SMAD9: variants seen among roughly 807,000 people sequenced by gnomAD.
The protein encoded by SMAD9 is MAD homolog 9.
A neutral mutation model predicts 46.1 loss-of-function variants in SMAD9; 36 were observed. The observed-to-expected ratio is 0.78, with a 90% CI of 0.60 to 1.03. The LOEUF is 1.03. SMAD9 is among the 50% of genes least tolerant of loss of function. The pLI is 0.00. For missense variants in SMAD9, 572 were observed against 599.8 expected (o/e 0.95, Z 0.48); for synonymous variants, 245 against 237.1 (o/e 1.03, Z -0.31).
At chr13:36,897,678 T>C (rs1042757945) in intron 1 of SMAD9, among the ~76,000 whole-genome samples, 8 of 151,646 alleles carry the variant, frequency 5.3e-5, no homozygotes, top group Non-Finnish European at 1.2e-4. Flanking sequence ...AAAATTCCTA[T>C]TTTTTTTGAA....
At chr13:36,895,074 G>C (rs2058517597) in intron 1 of SMAD9, among the ~76,000 whole-genome samples, 1 of 152,112 alleles carries the variant, frequency 6.6e-6, no homozygotes, top group Non-Finnish European at 1.5e-5. Context: ...GCACCTGTCA[G>C]CTTTAGGTTA....
intron 2 of SMAD9, among the ~76,000 whole-genome samples, chr13:36,878,187 C>T (rs2058364527): frequency 6.6e-6 from 1 of 152,080 alleles, no homozygotes; most frequent in South Asian, 2.1e-4. Context: ...CACACACACA[C>T]ACACACAGGG....
Position 36,918,599 on chromosome 13 carries a change from T to C in SMAD9, c.-187+1517A>G, listed in dbSNP as rs1236415899. On this transcript the variant is annotated intron_variant, in intron 1 of 6. Coordinates refer to ENST00000379826, the MANE Select transcript of SMAD9 (RefSeq NM_001127217.3). ...TAAAGCGTCACATCCTTTTCTTATC[T>C]GAAGCCTCCTTCTTGGATAACCACA... Among the ~76,000 whole-genome samples, 3 of 152,372 alleles carry C rather than the reference T, an allele frequency of 2.0e-5. No homozygotes were observed. In the East Asian group the frequency reaches 5.8e-4, roughly 29 times the overall value.
intron 1 of SMAD9, among the ~76,000 whole-genome samples, chr13:36,902,419 T>TAAC (rs1188059632): frequency 6.6e-6 from 1 of 152,188 alleles, no homozygotes; most frequent in Non-Finnish European, 1.5e-5. Context: ...TGTAGTTAAG[T>TAAC]TTTAAAATTA....
At chr13:36,905,774 CAAAAAAAAAAAAAAAAAAAAAAAAA>C (rs60358673) in intron 1 of SMAD9, among the ~76,000 whole-genome samples, 14 of 66,456 alleles carry the variant, frequency 2.1e-4, no homozygotes, top group African/African-American at 3.5e-4. Context: ...GACCCTGTCT[CAAAAAAAAAAAAAAAAAAAAAAAAA>C]AAAAAAAAAA....
chr13:36,902,891 G>A (rs1004171416), intron 1 of SMAD9, among the ~76,000 whole-genome samples: 1 of 152,178 alleles, frequency 6.6e-6, no homozygotes, highest in Non-Finnish European at 1.5e-5. Context: ...CTAGCACCTA[G>A]AATAGAGCCT....
In SMAD9 at chr13:36,872,770, G is replaced by A; in HGVS notation, c.558C>T (p.Cys186=). 4 of 1,614,074 alleles carry A rather than the reference G, an allele frequency of 2.5e-6. No homozygotes were observed. The highest frequency in any genetic ancestry group is 3.4e-6 in the Non-Finnish European group (4 of 1,180,020). ...TYPDSFQQPP[C]SALPPSPSHA... is the part of the protein sequence containing the mutation. The stretch of plus-strand genomic sequence containing the variant: ...GGCTGGGTGAGGGAGGGAGTGCAGA[G>A]CACGGAGGCTGCTGGAAAGAGTCAG... The change falls in exon 3 of 7, where the codon TGC becomes TGT. Residue 186 remains cysteine (C), a synonymous_variant. Coordinates refer to ENST00000379826, the MANE Select transcript of SMAD9 (RefSeq NM_001127217.3).
At chr13:36,881,853 C>A (rs561905065) in intron 1 of SMAD9, among the ~76,000 whole-genome samples, 6 of 152,274 alleles carry the variant, frequency 3.9e-5, no homozygotes, top group African/African-American at 1.2e-4. Flanking sequence ...GATAGAATAA[C>A]CTGAACCCCA....
At chr13:36,900,982 TATAG>T (rs2058571001) in intron 1 of SMAD9, among the ~76,000 whole-genome samples, 1 of 152,210 alleles carries the variant, frequency 6.6e-6, no homozygotes, top group African/African-American at 2.4e-5. Context: ...ATTCTGTCTT[TATAG>T]ATTTACCTAT....
intron 5 of SMAD9, 26 bp downstream of exon 5, chr13:36,865,511 T>C: frequency 6.3e-7 from 1 of 1,584,912 alleles, no homozygotes; most frequent in Non-Finnish European, 8.7e-7. Context: ...GCTAGATGAC[T>C]AAAGGAATAA....
chr13:36,892,211 G>A (rs1006935298), intron 1 of SMAD9, among the ~76,000 whole-genome samples: 11 of 152,152 alleles, frequency 7.2e-5, no homozygotes, highest in African/African-American at 2.2e-4. Flanking sequence ...ACAAAGTCAC[G>A]GAGGATACAT....
At chr13:36,883,832 T>C (rs911328024) in intron 1 of SMAD9, among the ~76,000 whole-genome samples, 3 of 152,228 alleles carry the variant, frequency 2.0e-5, no homozygotes, top group African/African-American at 7.2e-5. Context: ...TGGTGTGGTA[T>C]AGTCTCACTT....
At chr13:36,910,966 A>G (rs905684649) in intron 1 of SMAD9, among the ~76,000 whole-genome samples, 2 of 152,150 alleles carry the variant, frequency 1.3e-5, no homozygotes, top group Non-Finnish European at 2.9e-5. Flanking sequence ...ATGAAAGTAA[A>G]ATCCAGTTTT....
intron 2 of SMAD9, among the ~76,000 whole-genome samples, chr13:36,875,446 G>A (rs2058337075): frequency 6.6e-6 from 1 of 152,126 alleles, no homozygotes; most frequent in African/African-American, 2.4e-5. Context: ...CCTTTTCTAA[G>A]CTATTGTATA....
intron 1 of SMAD9, among the ~76,000 whole-genome samples, chr13:36,916,687 G>A (rs932583940): frequency 1.3e-5 from 2 of 151,984 alleles, no homozygotes; most frequent in African/African-American, 4.8e-5. Flanking sequence ...ATGGTCTGAG[G>A]GGAAGAAATA....
chr13:36,906,311 A>T (rs2058619621), intron 1 of SMAD9, among the ~76,000 whole-genome samples: 1 of 152,102 alleles, frequency 6.6e-6, no homozygotes, highest in African/African-American at 2.4e-5. Context: ...TATTCCTTTT[A>T]TTTATATGAC....
chr13:36,902,163 G>A (rs1039607539), intron 1 of SMAD9, among the ~76,000 whole-genome samples: 4 of 152,090 alleles, frequency 2.6e-5, no homozygotes, highest in Non-Finnish European at 4.4e-5. Context: ...TATATCTAGT[G>A]TGAGGTAGGG....
chr13:36,865,515 G>A, intron 5 of SMAD9, 22 bp downstream of exon 5: 10 of 1,590,330 alleles, frequency 6.3e-6, no homozygotes, highest in Non-Finnish European at 8.6e-6. Flanking sequence ...GATGACTAAA[G>A]GAATAACATC....
At chr13:36,876,522 T>A (rs1253848384) in intron 2 of SMAD9, among the ~76,000 whole-genome samples, 1 of 152,238 alleles carries the variant, frequency 6.6e-6, no homozygotes, top group African/African-American at 2.4e-5. Flanking sequence ...TACACTTGTT[T>A]AAATAATTTT....
Sources: allele counts gnomAD v4.1 joint callset (sites outside exome capture counted in the v4.1 genomes callset), GRCh38; gene constraint gnomAD v4.1.1; transcripts MANE v1.5; gene names NCBI Gene and HGNC (gene_info 2026-07-23, HGNC 2026-07-21).